The following ARHGAP28 variants were observed in gnomAD, a reference collection of about 807,000 sequenced individuals.
ARHGAP28 encodes rho GTPase-activating protein 28.
ARHGAP28 carries 56 observed loss-of-function variants against 90.7 expected under a neutral mutation model. That is an observed-to-expected ratio of 0.62 (90% CI 0.50 to 0.77). The LOEUF is 0.77. Ranked by LOEUF, ARHGAP28 falls within the 30% of genes least tolerant of loss-of-function variation. ARHGAP28 has a pLI of 0.00. For missense variants in ARHGAP28, 869 were observed against 900.9 expected (o/e 0.96, Z 0.45); for synonymous variants, 308 against 323.3 (o/e 0.95, Z 0.51).
chr18:6,774,599 C>A (rs1005470561), intron 1 of ARHGAP28, among the ~76,000 whole-genome samples: 1 of 152,148 alleles, frequency 6.6e-6, no homozygotes, highest in Non-Finnish European at 1.5e-5. Context: ...TGTGCTGGAG[C>A]CTTTAAACTA....
At chr18:6,840,348 C>T (rs1043840145) in intron 3 of ARHGAP28, among the ~76,000 whole-genome samples, 26 of 152,274 alleles carry the variant, frequency 1.7e-4, no homozygotes, top group Admixed American at 1.7e-3. Context: ...TAGGCTTTTC[C>T]CAAATCCTCC....
At chr18:6,909,840 A>C (rs1036371461) in intron 17 of ARHGAP28, among the ~76,000 whole-genome samples, 2 of 152,148 alleles carry the variant, frequency 1.3e-5, no homozygotes, top group Non-Finnish European at 2.9e-5. Flanking sequence ...CACTGAGGGC[A>C]GTGCCTCCTC....
Position 6,882,236 on chromosome 18 carries a change from A to G in ARHGAP28, c.1390A>G (p.Arg464Gly), listed in dbSNP as rs1233902143. Residue 464 changes from arginine to glycine, a missense_variant, in exon 11 of 18, where the codon AGA (arginine) becomes GGA (glycine). Physicochemically the swap from Arg to Gly is moderately radical, Grantham distance 125. Coordinates refer to ENST00000383472, the MANE Select transcript of ARHGAP28 (RefSeq NM_001366230.1). ...EAAVMLKAFFRELPTSLFPVE... is the reference protein window; with the variant it reads ...EAAVMLKAFFGELPTSLFPVE... Reference sequence around the variant, plus strand: ...TGCAGTAATGTTGAAAGCGTTTTTCAGAGAACTACCCACCTCTCTCTTCCC... The same window carrying G: ...TGCAGTAATGTTGAAAGCGTTTTTCGGAGAACTACCCACCTCTCTCTTCCC... The G allele has an allele frequency of 6.2e-7, 1 of 1,614,140 alleles. No homozygotes were observed. Among genetic ancestry groups the G allele is most frequent in the Admixed American group, 1.7e-5 (1 of 60,020 alleles).
chr18:6,896,801 G>T (rs1056508009), intron 16 of ARHGAP28, 175 bp downstream of exon 16: 5 of 673,640 alleles, frequency 7.4e-6, no homozygotes, highest in African/African-American at 1.8e-5. Flanking sequence ...ATATATGATT[G>T]CTAACAACAA....
At chr18:6,736,168 C>T (rs1483522641) in intron 1 of ARHGAP28, among the ~76,000 whole-genome samples, 1 of 152,154 alleles carries the variant, frequency 6.6e-6, no homozygotes, top group African/African-American at 2.4e-5. Context: ...CTATTTCTCT[C>T]ATTTCTTCTA....
intron 7 of ARHGAP28, among the ~76,000 whole-genome samples, chr18:6,871,022 G>C (rs535782642): frequency 4.6e-5 from 7 of 152,200 alleles, no homozygotes. Flanking sequence ...GGATGGTCTC[G>C]ATCTCCTGAC....
intron 6 of ARHGAP28, among the ~76,000 whole-genome samples, chr18:6,869,253 CTTTTTTTTTTTTT>C (rs61280250): frequency 4.4e-5 from 3 of 68,040 alleles, no homozygotes; most frequent in African/African-American, 1.1e-4. Context: ...TTTTGCCATT[CTTTTTTTTTTTTT>C]TTTTTTTTTT....
At position 6,860,675 on chromosome 18, in the gene ARHGAP28, A is replaced by G. The variant is rs76667527; in HGVS notation, c.726+778A>G. ...GTCCATTTCGAGAAACAAGGAGCTG[A>G]TGACATTTACATGCATGACACATTC... On this transcript the variant is annotated intron_variant, in intron 5 of 17. Coordinates refer to ENST00000383472, the MANE Select transcript of ARHGAP28 (RefSeq NM_001366230.1). Among the ~76,000 whole-genome samples the G allele has an allele frequency of 0.021, 3,220 of 152,312 alleles. 254 individuals are homozygous for G. The East Asian group carries it at 0.28, about 13-fold the overall frequency.
rs2057408739 is a variant in ARHGAP28, at chr18:6,913,343, C to T, written c.*1189C>T. 6.6e-6 allele frequency: 1 copy of T among 152,160 alleles called. No individual in the cohort carries two copies. Among genetic ancestry groups the T allele is most frequent in the Admixed American group, 6.5e-5 (1 of 15,274 alleles). 9.4% of individuals were successfully genotyped at this position (152,160 alleles called of 1,614,324 possible). On this transcript the variant is annotated 3_prime_UTR_variant, in exon 18 of 18. Transcript: ENST00000383472. ...AAAGGTGCTGAGGGATTGGACAGCT[C>T]TGACTTTCCTCGAGACTATGGATAT...
Position 6,894,581 on chromosome 18 carries a change from T to C in ARHGAP28, c.1849-254T>C, listed in dbSNP as rs74328906. ...TCAGCAGTCTCATATTGGTGAACAGTGTGTGTCTGATCTTTTGCTGTTACA... is the reference window on the plus strand; with the variant it reads ...TCAGCAGTCTCATATTGGTGAACAGCGTGTGTCTGATCTTTTGCTGTTACA... On this transcript the variant is annotated intron_variant, in intron 14 of 17. Coordinates refer to ENST00000383472, the MANE Select transcript of ARHGAP28 (RefSeq NM_001366230.1). Among the ~76,000 whole-genome samples the C allele has an allele frequency of 3.2e-4, 48 of 152,344 alleles. No homozygotes were observed. The East Asian group carries it at 5.4e-3, about 17-fold the overall frequency.
chr18:6,906,262 TA>T, intron 16 of ARHGAP28, among the ~76,000 whole-genome samples: 1 of 152,352 alleles, frequency 6.6e-6, no homozygotes, highest in Non-Finnish European at 1.5e-5. Context: ...ATCTGATTTT[TA>T]AAAGATTTTT....
chr18:6,763,357 A>G (rs2056177087), intron 1 of ARHGAP28, among the ~76,000 whole-genome samples: 1 of 152,156 alleles, frequency 6.6e-6, no homozygotes, highest in African/African-American at 2.4e-5. Context: ...TGCTTGGATT[A>G]CAAGTATGAG....
intron 1 of ARHGAP28, among the ~76,000 whole-genome samples, chr18:6,796,606 C>G (rs1348220108): frequency 6.6e-6 from 1 of 151,972 alleles, no homozygotes; most frequent in East Asian, 1.9e-4. Context: ...TGAAGTTAGT[C>G]TCGCTCTCTT....
At chr18:6,745,752 G>A (rs934087903) in intron 1 of ARHGAP28, among the ~76,000 whole-genome samples, 1 of 152,164 alleles carries the variant, frequency 6.6e-6, no homozygotes, top group African/African-American at 2.4e-5. Flanking sequence ...TCATCATAAT[G>A]GTTTCTGAGG....
At chr18:6,828,419 T>C (rs540861241) in intron 2 of ARHGAP28, among the ~76,000 whole-genome samples, 1 of 148,448 alleles carries the variant, frequency 6.7e-6, no homozygotes, top group East Asian at 1.9e-4. Context: ...GAGAGAGCTC[T>C]TTAGTTTAAT....
At chr18:6,822,316 A>T (rs1254287724) in intron 1 of ARHGAP28, among the ~76,000 whole-genome samples, 1 of 152,160 alleles carries the variant, frequency 6.6e-6, no homozygotes, top group East Asian at 1.9e-4. Context: ...AGATATCCAT[A>T]TACTTTTTCT....
At chr18:6,841,167 C>CA (rs1225722544) in intron 3 of ARHGAP28, among the ~76,000 whole-genome samples, 14 of 79,938 alleles carry the variant, frequency 1.8e-4, no homozygotes, top group Non-Finnish European at 2.9e-4. Flanking sequence ...TTCTCTCTCT[C>CA]CTCTCTCTCT....
chr18:6,850,299 C>T (rs972627814), intron 3 of ARHGAP28, among the ~76,000 whole-genome samples: 10 of 152,278 alleles, frequency 6.6e-5, no homozygotes, highest in African/African-American at 2.4e-4. Context: ...TATCACTGTA[C>T]TTCTTTTTCA....
intron 3 of ARHGAP28, among the ~76,000 whole-genome samples, chr18:6,839,404 C>T (rs1419900566): frequency 1.3e-5 from 2 of 151,594 alleles, no homozygotes; most frequent in Admixed American, 1.3e-4. Context: ...CGCCATTCTC[C>T]CCCCTCAGCC....
Sources: allele counts gnomAD v4.1 joint callset (sites outside exome capture counted in the v4.1 genomes callset), GRCh38; gene constraint gnomAD v4.1.1; transcripts MANE v1.5; gene names NCBI Gene and HGNC (gene_info 2026-07-23, HGNC 2026-07-21).